NT5DC3: variants seen among roughly 807,000 people sequenced by gnomAD.
NT5DC3 encodes the protein 5'-nucleotidase domain-containing protein 3.
A neutral mutation model predicts 67.8 loss-of-function variants in NT5DC3; 42 were observed. The ratio of observed to expected loss-of-function variants is 0.62; its 90% confidence interval spans 0.48 to 0.80. NT5DC3 has a LOEUF of 0.80. Ranked by LOEUF, NT5DC3 falls within the 30% of genes least tolerant of loss-of-function variation. NT5DC3 has a pLI of 0.00. For missense variants in NT5DC3, 570 were observed against 696.4 expected (o/e 0.82, Z 2.04); for synonymous variants, 237 against 255.6 (o/e 0.93, Z 0.69).
rs756367274 is a variant in NT5DC3, at chr12:103,775,426, G to C, written c.*2403C>G. 1 of 152,148 alleles carries C rather than the reference G, an allele frequency of 6.6e-6. No individual in the cohort carries two copies. The highest frequency in any genetic ancestry group is 1.5e-5 in the Non-Finnish European group (1 of 68,026). 9.4% of individuals were successfully genotyped at this position (152,148 alleles called of 1,614,324 possible). On this transcript the variant is annotated 3_prime_UTR_variant, in exon 14 of 14. Coordinates refer to ENST00000392876, the MANE Select transcript of NT5DC3 (RefSeq NM_001031701.3). ...ACAAAACACCCTATAACTGGCACCT[G>C]GTAGGTAATCAATGAATATCTGATT...
At chr12:103,780,936 A>T (rs1019230123) in intron 12 of NT5DC3, among the ~76,000 whole-genome samples, 1 of 152,260 alleles carries the variant, frequency 6.6e-6, no homozygotes, top group South Asian at 2.1e-4. Context: ...TTATAAATAA[A>T]CCTTTTAATT....
the NT5DC3 span, among the ~76,000 whole-genome samples, chr12:103,749,772 G>A: frequency 0.077 from 11,347 of 146,650 alleles, 665 homozygotes; most frequent in East Asian, 0.23. Context: ...CACAGGAGGC[G>A]GAGCTTGCAG....
At chr12:103,803,866 C>G (rs1412882638) in intron 4 of NT5DC3, among the ~76,000 whole-genome samples, 7 of 126,886 alleles carry the variant, frequency 5.5e-5, no homozygotes, top group South Asian at 3.9e-4. Flanking sequence ...ACCACCCCCC[C>G]CCCAAAAAAA....
At chr12:103,757,864 TG>T in the NT5DC3 span, 5 of 381,708 alleles carry the variant, frequency 1.3e-5, no homozygotes, top group Non-Finnish European at 2.5e-5. Context: ...CTGAGTGAAG[TG>T]GGGGGCCACT....
the NT5DC3 span, among the ~76,000 whole-genome samples, chr12:103,760,024 G>A: frequency 2.0e-5 from 3 of 152,184 alleles, no homozygotes; most frequent in Admixed American, 1.3e-4. Flanking sequence ...TGGTGGATAT[G>A]AGTGGAAGAT....
chr12:103,839,658 C>G (rs1163715521), intron 1 of NT5DC3, among the ~76,000 whole-genome samples: 1 of 152,176 alleles, frequency 6.6e-6, no homozygotes, highest in Admixed American at 6.5e-5. Context: ...TTCCTTTCAT[C>G]TCTTAAGACC....
chr12:103,771,664 G>A (rs1476857463), downstream of NT5DC3, among the ~76,000 whole-genome samples: 1 of 152,212 alleles, frequency 6.6e-6, no homozygotes, highest in Non-Finnish European at 1.5e-5. Context: ...TGGGGACGGA[G>A]GGAAAGGCTG....
chr12:103,828,841 G>A (rs1402910745), intron 1 of NT5DC3, among the ~76,000 whole-genome samples: 1 of 152,034 alleles, frequency 6.6e-6, no homozygotes, highest in Non-Finnish European at 1.5e-5. Context: ...TGGGATTACA[G>A]GTATGCACCA....
chr12:103,755,986 A>G, the NT5DC3 span, among the ~76,000 whole-genome samples: 2 of 152,314 alleles, frequency 1.3e-5, no homozygotes, highest in East Asian at 3.9e-4. Context: ...TCATTAAATG[A>G]GTTAATAGTT....
At chr12:103,763,528 C>T in the NT5DC3 span, 1 of 1,614,132 alleles carries the variant, frequency 6.2e-7, no homozygotes, top group Non-Finnish European at 8.5e-7. Flanking sequence ...TCTTGGCAAG[C>T]AGCAGCCTGA....
At chr12:103,756,108 G>T in the NT5DC3 span, among the ~76,000 whole-genome samples, 2 of 152,172 alleles carry the variant, frequency 1.3e-5, no homozygotes, top group East Asian at 3.9e-4. Context: ...CTACACAAAT[G>T]AGACACTCTT....
intron 1 of NT5DC3, among the ~76,000 whole-genome samples, chr12:103,833,328 T>C (rs918910084): frequency 6.6e-6 from 1 of 152,258 alleles, no homozygotes; most frequent in Non-Finnish European, 1.5e-5. Context: ...TCTCAAAAGA[T>C]TGTGAAACAG....
At position 103,829,804 on chromosome 12, in the gene NT5DC3, T is replaced by C. The variant is rs76079308; in HGVS notation, c.208+11145A>G. 8.2e-3 allele frequency among the ~76,000 whole-genome samples: 1,253 copies of C among 152,184 alleles called. 12 individuals carry two copies. Among genetic ancestry groups the C allele is most frequent in the African/African-American group, 0.029 (1,187 of 41,554 alleles). ...ACTTCCATCTAAGACCTTTGGGATT[T>C]TTTTTCCTGACACATATACATCCTT... On this transcript the variant is annotated intron_variant, in intron 1 of 13. Transcript: ENST00000392876.
At chr12:103,793,649 G>A in intron 7 of NT5DC3, 137 bp from the exon 8 acceptor site, 1 of 662,514 alleles carries the variant, frequency 1.5e-6, no homozygotes, top group Non-Finnish European at 2.6e-6. Flanking sequence ...AAGAAGCTTT[G>A]TCCGGTGGAA....
At chr12:103,757,491 A>T in the NT5DC3 span, among the ~76,000 whole-genome samples, 1 of 152,256 alleles carries the variant, frequency 6.6e-6, no homozygotes, top group Non-Finnish European at 1.5e-5. Context: ...GAGTGCTAGA[A>T]GATGATAGAT....
chr12:103,826,261 C>A lies in NT5DC3; in HGVS notation c.209-11140G>T, dbSNP rs916589035. On this transcript the variant is annotated intron_variant, in intron 1 of 13. Transcript: ENST00000392876. ...AATAATGGCTCTCCAAAGATATCCACGTCCTAATCCCTAGAACCTGTGAAT... is the reference window on the plus strand; with the variant it reads ...AATAATGGCTCTCCAAAGATATCCAAGTCCTAATCCCTAGAACCTGTGAAT... Among the ~76,000 whole-genome samples, 17 of 152,356 alleles carry A rather than the reference C, an allele frequency of 1.1e-4. No individual in the cohort carries two copies. In the Middle Eastern group the frequency reaches 0.01, roughly 91 times the overall value.
intron 9 of NT5DC3, 63 bp from the exon 10 acceptor site, chr12:103,788,982 A>G: frequency 9.1e-7 from 1 of 1,104,134 alleles, no homozygotes; most frequent in East Asian, 2.4e-5. Flanking sequence ...TCTATGAAAT[A>G]CCAGTTATTC....
chr12:103,801,477 G>C (rs1886578386), intron 4 of NT5DC3, among the ~76,000 whole-genome samples: 1 of 142,352 alleles, frequency 7.0e-6, no homozygotes, highest in Non-Finnish European at 1.5e-5. Flanking sequence ...CCACCTCCCA[G>C]GTTCACGCCA....
At chr12:103,791,194 T>C (rs776539654) in intron 9 of NT5DC3, among the ~76,000 whole-genome samples, 6 of 152,094 alleles carry the variant, frequency 3.9e-5, no homozygotes, top group Non-Finnish European at 7.4e-5. Context: ...GGGAGAGGGC[T>C]GAGACACCCT....
Sources: gnomAD v4.1 joint callset for allele counts (sites outside exome capture counted in the v4.1 genomes callset) on GRCh38, gnomAD v4.1.1 for gene constraint, MANE v1.5 for transcripts, NCBI Gene and HGNC (gene_info 2026-07-23, HGNC 2026-07-21) for gene names.